NOXRED1: variants seen among roughly 807,000 people sequenced by gnomAD.
The protein encoded by NOXRED1 is NADP-dependent oxidoreductase domain-containing protein 1.
Under a neutral mutation model 30.4 loss-of-function variants are expected in NOXRED1, and 20 were observed. The observed-to-expected ratio is 0.66, with a 90% CI of 0.46 to 0.96. The LOEUF (loss-of-function observed/expected upper bound fraction) is 0.96, where lower values mean the gene tolerates loss of function less well. NOXRED1 is among the 40% of genes least tolerant of loss of function. The probability of loss-of-function intolerance (pLI) is 0.00; values close to 1 mark genes in which losing one functional copy is unlikely to be tolerated. For synonymous variants in NOXRED1, 155 were observed against 168.0 expected, an observed-to-expected ratio of 0.92 and a Z score of 0.60; for missense variants, 374 against 428.0, an observed-to-expected ratio of 0.87 and a Z score of 1.11.
In NOXRED1 at chr14:77,414,105, T is replaced by C; in HGVS notation, c.178A>G (p.Ser60Gly). 3 of 1,596,700 alleles carry C rather than the reference T, an allele frequency of 1.9e-6. No individual in the cohort carries two copies. The highest frequency in any genetic ancestry group is 1.7e-6 in the Non-Finnish European group (2 of 1,166,678). The change falls in exon 2 of 6, where the codon AGT (serine) becomes GGT (glycine). Residue 60 changes from serine to glycine, a missense_variant. Transcript: ENST00000380835. Reference sequence around the variant, plus strand: ...GAGCCAATTGAGAGATGTCTGGAACTTTGATTCTTATTTAATGATGCTCTG... The same window carrying C: ...GAGCCAATTGAGAGATGTCTGGAACCTTGATTCTTATTTAATGATGCTCTG... ...NLRASLNKNQ[S>G]SRHLSIGSLN...
At chr14:77,422,626 G>A (rs932428732) in intron 1 of NOXRED1, 109 bp downstream of exon 1, 10 of 1,065,776 alleles carry the variant, frequency 9.4e-6, no homozygotes, top group Admixed American at 1.8e-5. Flanking sequence ...AAGATAGGAT[G>A]ACAATCCACC....
At position 77,422,931 on chromosome 14, in the gene NOXRED1, T is replaced by C; in HGVS notation, c.-42A>G. The stretch of plus-strand genomic sequence containing the variant: ...CCTGCAGTGATAGACACTAATCAAT[T>C]TGGCTCCCTGTCCCGGTAGAAGAGG... On this transcript the variant is annotated 5_prime_UTR_variant, in exon 1 of 6. Coordinates refer to ENST00000380835, the MANE Select transcript of NOXRED1 (RefSeq NM_001113475.3). 1 of 1,570,266 alleles carries C rather than the reference T, an allele frequency of 6.4e-7. No homozygotes were observed.
At chr14:77,414,156 T>C (rs1894745786) in intron 1 of NOXRED1, 29 bp from the exon 2 acceptor site, 3 of 1,358,924 alleles carry the variant, frequency 2.2e-6, no homozygotes, top group East Asian at 2.4e-5. Flanking sequence ...GACACGTACA[T>C]AAATACATGC....
At chr14:77,403,415 C>T (rs1189074413) in intron 5 of NOXRED1, among the ~76,000 whole-genome samples, 2 of 152,146 alleles carry the variant, frequency 1.3e-5, no homozygotes, top group Non-Finnish European at 2.9e-5. Flanking sequence ...CAAAACCCCA[C>T]CCCTACTCCT....
intron 1 of NOXRED1, among the ~76,000 whole-genome samples, chr14:77,420,214 T>C (rs999408066): frequency 6.6e-6 from 1 of 152,154 alleles, no homozygotes; most frequent in African/African-American, 2.4e-5. Context: ...TCTTCAAATT[T>C]GCTGATTCTT....
At chr14:77,416,357 C>T (rs1168795084) in intron 1 of NOXRED1, among the ~76,000 whole-genome samples, 1 of 152,142 alleles carries the variant, frequency 6.6e-6, no homozygotes, top group Non-Finnish European at 1.5e-5. Context: ...CGGCCTTCCA[C>T]AGTGTTTGTG....
At position 77,422,828 on chromosome 14, in the gene NOXRED1, C is replaced by T. The variant is rs780712348; in HGVS notation, c.62G>A (p.Arg21His). Residue 21 changes from arginine to histidine, a missense_variant, in exon 1 of 6, where the codon CGT becomes CAT. Coordinates refer to ENST00000380835, the MANE Select transcript of NOXRED1 (RefSeq NM_001113475.3). ...ACGGCCCTGCAAATACAGCCAGATA[C>T]GATCTTCCTCTGGAACCCCATACTC... ...QFEYGVPEED[R>H]IWLYLQGRSR... The T allele has an allele frequency of 9.3e-6, 15 of 1,613,668 alleles. No homozygotes were observed. Among genetic ancestry groups the T allele is most frequent in the African/African-American group, 1.3e-5 (1 of 74,888 alleles).
chr14:77,416,344 T>C (rs755248131), intron 1 of NOXRED1, among the ~76,000 whole-genome samples: 20 of 152,284 alleles, frequency 1.3e-4, no homozygotes, highest in Admixed American at 2.6e-4. Flanking sequence ...GCAGAGGACC[T>C]TGCGGCCTTC....
At chr14:77,397,496 A>G (rs773137675) in intron 5 of NOXRED1, among the ~76,000 whole-genome samples, 18 of 152,176 alleles carry the variant, frequency 1.2e-4, no homozygotes, top group Admixed American at 6.5e-5. Context: ...TGCAATATCT[A>G]TTTCCATTGA....
chr14:77,396,305 G>A (rs556118873), intron 5 of NOXRED1, among the ~76,000 whole-genome samples: 30 of 127,890 alleles, frequency 2.3e-4, no homozygotes, highest in African/African-American at 8.2e-4. Flanking sequence ...GCTGCAGTGC[G>A]ATGGTGTGAT....
At chr14:77,419,095 G>C (rs549822670) in intron 1 of NOXRED1, among the ~76,000 whole-genome samples, 6 of 144,218 alleles carry the variant, frequency 4.2e-5, no homozygotes, top group Admixed American at 7.1e-5. Context: ...TCTTGAGATA[G>C]AGTTTTGCTA....
rs1895047781 is a variant in NOXRED1, at chr14:77,423,213, A to G, written c.-324T>C. 6.6e-6 allele frequency among the ~76,000 whole-genome samples: 1 copy of G among 152,196 alleles called. No homozygotes were observed. The highest frequency in any genetic ancestry group is 1.5e-5 in the Non-Finnish European group (1 of 68,038). On this transcript the variant is annotated 5_prime_UTR_variant, in exon 1 of 6. Coordinates refer to ENST00000380835, the MANE Select transcript of NOXRED1 (RefSeq NM_001113475.3). ...TACAGGCACTGTTTTCGGCAGATGA[A>G]TTTACAACAGCAATTGAGTTTTACA... is the stretch of plus-strand genomic sequence containing the variant.
intron 2 of NOXRED1, 80 bp from the exon 3 acceptor site, chr14:77,407,725 C>A: frequency 1.1e-6 from 1 of 952,042 alleles, no homozygotes. Flanking sequence ...AGAGGGTGAT[C>A]ATTATTTTAG....
At chr14:77,424,352 AC>A (rs1159197589), upstream of NOXRED1, among the ~76,000 whole-genome samples, 1 of 152,128 alleles carries the variant, frequency 6.6e-6, no homozygotes, top group African/African-American at 2.4e-5. Flanking sequence ...AATCTCAGCT[AC>A]TCAGGAGGCT....
At chr14:77,398,978 CA>C (rs894840738) in intron 5 of NOXRED1, among the ~76,000 whole-genome samples, 2 of 150,376 alleles carry the variant, frequency 1.3e-5, no homozygotes, top group African/African-American at 4.9e-5. Context: ...CAAAAACAAA[CA>C]AAAAAAAGCC....
chr14:77,418,288 T>C (rs192948532), intron 1 of NOXRED1, among the ~76,000 whole-genome samples: 1 of 152,000 alleles, frequency 6.6e-6, no homozygotes, highest in Non-Finnish European at 1.5e-5. Flanking sequence ...GCACACACCA[T>C]CATACTTGGC....
chr14:77,416,824 G>T (rs1375523267), intron 1 of NOXRED1, among the ~76,000 whole-genome samples: 2 of 151,642 alleles, frequency 1.3e-5, no homozygotes, highest in African/African-American at 2.4e-5. Context: ...GGCTGGCCGG[G>T]CGGGGGGCTG....
chr14:77,404,288 T>C (rs556633113), intron 5 of NOXRED1, among the ~76,000 whole-genome samples: 5 of 152,146 alleles, frequency 3.3e-5, no homozygotes, highest in Non-Finnish European at 7.4e-5. Flanking sequence ...AAACCAAACG[T>C]GAATCACAGG....
At chr14:77,405,256 A>C (rs1594871663) in intron 5 of NOXRED1, among the ~76,000 whole-genome samples, 1 of 152,316 alleles carries the variant, frequency 6.6e-6, no homozygotes, top group Non-Finnish European at 1.5e-5. Flanking sequence ...TTAGCCAGGC[A>C]TGGTGGCACA....
Sources: gnomAD v4.1 joint callset for allele counts (sites outside exome capture counted in the v4.1 genomes callset) on GRCh38, gnomAD v4.1.1 for gene constraint, MANE v1.5 for transcripts, NCBI Gene and HGNC (gene_info 2026-07-23, HGNC 2026-07-21) for gene names.